Variants in MYBPC3 observed in about 807,000 individuals in gnomAD.
MYBPC3 encodes myosin binding protein C3.
A neutral mutation model predicts 159.3 loss-of-function variants in MYBPC3; 108 were observed. The ratio of observed to expected loss-of-function variants is 0.68; its 90% CI spans 0.58 to 0.80. MYBPC3 has a LOEUF of 0.80. Ranked by LOEUF, MYBPC3 falls within the 30% of genes least tolerant of loss-of-function variation. The probability of loss-of-function intolerance (pLI) is 0.00; values close to 1 mark genes in which losing one functional copy is unlikely to be tolerated. For synonymous variants in MYBPC3, 730 were observed against 702.0 expected, an observed-to-expected ratio of 1.04 and a Z score of -0.63; for missense variants, 1,631 against 1,762.1, an observed-to-expected ratio of 0.93 and a Z score of 1.33.
At position 47,347,494 on chromosome 11, in the gene MYBPC3, C is replaced by T. The variant is rs1461663741; in HGVS notation, c.852-15G>A. 1.3e-6 allele frequency: 2 copies of T among 1,594,068 alleles called. No individual in the cohort carries two copies. Among genetic ancestry groups the T allele is most frequent in the East Asian group, 2.3e-5 (1 of 44,128 alleles). On this transcript the variant is annotated splice_polypyrimidine_tract_variant and intron_variant, in intron 8 of 34. Coordinates refer to ENST00000545968, the MANE Select transcript of MYBPC3 (RefSeq NM_000256.3). ...CATGGCTATCACTATGGAGAGGGACCCCCAGTGAGGCTGCAGTGAGGGACT... is the reference window on the plus strand; with the variant it reads ...CATGGCTATCACTATGGAGAGGGACTCCCAGTGAGGCTGCAGTGAGGGACT...
Position 47,338,403 on chromosome 11 carries a change from C to T in MYBPC3, c.2308+117G>A, listed in dbSNP as rs3729949. Reference sequence around the variant, plus strand: ...TGGGCAGAAAAACCTGTCCTGTTGCCGCTCGGCTCAGGGAGCATGCCCGTG... The same window carrying T: ...TGGGCAGAAAAACCTGTCCTGTTGCTGCTCGGCTCAGGGAGCATGCCCGTG... On this transcript the variant is annotated intron_variant, in intron 23 of 34. Coordinates refer to ENST00000545968, the MANE Select transcript of MYBPC3 (RefSeq NM_000256.3). This position sits in a 1 kb window ranked among gnomAD's most constrained non-coding sequence, Gnocchi z 4.7. The T allele has an allele frequency of 0.012, 16,961 of 1,444,994 alleles. 131 individuals are homozygous for T. Among genetic ancestry groups the T allele is most frequent in the Non-Finnish European group, 0.014 (14,826 of 1,067,422 alleles). 89.5% of individuals were successfully genotyped at this position (1,444,994 alleles called of 1,614,324 possible).
Position 47,351,518 on chromosome 11 carries a change from G to A in MYBPC3, c.26-13C>T, listed in dbSNP as rs1161603409. On this transcript the variant is annotated splice_polypyrimidine_tract_variant and intron_variant, in intron 1 of 34. Transcript: ENST00000545968. This position sits in a 1 kb window ranked among gnomAD's most constrained non-coding sequence, Gnocchi z 4.2. ...CTAAAAGCTGAGACTGAAGGGCCAG[G>A]TGGAGGCTACAGCGGCCCCTGGTTG... The A allele has an allele frequency of 1.3e-6, 2 of 1,572,472 alleles. No individual in the cohort carries two copies. The highest frequency in any genetic ancestry group is 1.7e-6 in the Non-Finnish European group (2 of 1,154,098).
At position 47,332,306 on chromosome 11, in the gene MYBPC3, G is replaced by T; in HGVS notation, c.3628-48C>A. Reference sequence around the variant, plus strand: ...GAGGGAAGCCATCCAGGCTGAGAGGGGACCTGGCAGGGACCCAGGGAGACA... The same window carrying T: ...GAGGGAAGCCATCCAGGCTGAGAGGTGACCTGGCAGGGACCCAGGGAGACA... On this transcript the variant is annotated intron_variant, in intron 32 of 34. Transcript: ENST00000545968. This position sits in a 1 kb window ranked among gnomAD's most constrained non-coding sequence, Gnocchi z 4.2. 6.3e-7 allele frequency: 1 copy of T among 1,588,288 alleles called. No homozygotes were observed. The highest frequency in any genetic ancestry group is 8.6e-7 in the Non-Finnish European group (1 of 1,157,686).
At chr11:47,350,357 C>T in intron 3 of MYBPC3, 145 bp downstream of exon 3, 1 of 1,366,726 alleles carries the variant, frequency 7.3e-7, no homozygotes, top group Non-Finnish European at 9.9e-7. Context: ...AATCTCCTGA[C>T]CTCATGATCC....
chr11:47,337,472 C>T lies in MYBPC3; in HGVS notation c.2521G>A (p.Val841Met). The change falls in exon 25 of 35, where the codon GTG (valine) becomes ATG (methionine). Residue 841 changes from valine to methionine, a missense_variant. Val to Met is a conservative substitution (Grantham distance 21). Coordinates refer to ENST00000545968, the MANE Select transcript of MYBPC3 (RefSeq NM_000256.3). Reference sequence around the variant, plus strand: ...ACCGCGTAGACGCGCATCTCGTACACCACGCCCTCGATCATGCGCCGCGCT... The same window carrying T: ...ACCGCGTAGACGCGCATCTCGTACATCACGCCCTCGATCATGCGCCGCGCT... ...HEARRMIEGVVYEMRVYAVNA... is the reference protein window; with the variant it reads ...HEARRMIEGVMYEMRVYAVNA... The T allele has an allele frequency of 6.2e-7, 1 of 1,613,916 alleles. No homozygotes were observed. The highest frequency in any genetic ancestry group is 8.5e-7 in the Non-Finnish European group (1 of 1,179,888).
chr11:47,337,574 T>C lies in MYBPC3; in HGVS notation c.2419A>G (p.Ile807Val). ...CTCTTCTTCTTCTTGCGCTCCAGGA[T>C]GTAGCCTGGCTCAGGGGAGGTGGCA... is the stretch of plus-strand genomic sequence containing the variant. ...YDGGQPILGY[I>V]LERKKKKSYR... Residue 807 changes from isoleucine to valine, a missense_variant, in exon 25 of 35, where the codon ATC becomes GTC. Coordinates refer to ENST00000545968, the MANE Select transcript of MYBPC3 (RefSeq NM_000256.3). 1.2e-6 allele frequency: 2 copies of C among 1,613,962 alleles called. No individual in the cohort carries two copies. Among genetic ancestry groups the C allele is most frequent in the Non-Finnish European group, 1.7e-6 (2 of 1,179,884 alleles).
Position 47,335,054 on chromosome 11 carries a change from G to C in MYBPC3, c.2893C>G (p.Gln965Glu), listed in dbSNP as rs730880578. 10 of 1,566,268 alleles carry C rather than the reference G, an allele frequency of 6.4e-6. No homozygotes were observed. The highest frequency in any genetic ancestry group is 8.7e-6 in the Non-Finnish European group (10 of 1,151,878). Reference sequence around the variant, plus strand: ...AAGGGGCACTCACGCAGGATCTCCTGCACTGTCACCGGCTCCGTGGTGGTA... The same window carrying C: ...AAGGGGCACTCACGCAGGATCTCCTCCACTGTCACCGGCTCCGTGGTGGTA... ...PVTTTEPVTV[Q>E]EILQRPRLQL... Residue 965 changes from glutamine (Q) to glutamate (E), a missense_variant, in exon 27 of 35, where the codon CAG becomes GAG. Physicochemically the swap from Gln to Glu is conservative, Grantham distance 29. Transcript: ENST00000545968.
chr11:47,342,728 C>T lies in MYBPC3; in HGVS notation c.1474G>A (p.Glu492Lys). The T allele has an allele frequency of 6.2e-7, 1 of 1,613,980 alleles. No homozygotes were observed. Among genetic ancestry groups the T allele is most frequent in the South Asian group, 1.1e-5 (1 of 91,086 alleles). ...TTGAAGGTCTCCTCCCGGGTCAGCT[C>T]CACCCCGTCCTTCAGCCTAGCCGGG... The part of the protein sequence containing the change: ...AQVKWLKDGV[E>K]LTREETFKYR... Residue 492 changes from glutamate to lysine, a missense_variant, in exon 17 of 35, where the codon GAG becomes AAG. By Grantham distance (56) the Glu-to-Lys change is moderately conservative. Transcript: ENST00000545968.
At chr11:47,352,117 G>T (rs943406695) in intron 1 of MYBPC3, among the ~76,000 whole-genome samples, 7 of 152,136 alleles carry the variant, frequency 4.6e-5, no homozygotes, top group African/African-American at 1.7e-4. Context: ...TCAACATGGG[G>T]GCCACACCGT....
intron 18 of MYBPC3, 149 bp downstream of exon 18, chr11:47,341,842 G>T: frequency 9.4e-7 from 1 of 1,060,442 alleles, no homozygotes. Flanking sequence ...CTCCCTCTCT[G>T]TGGGTCTCTG....
rs913365139 is a variant in MYBPC3 at position 47,351,535 on chromosome 11, C to A, written c.26-30G>T. 7.7e-6 allele frequency: 12 copies of A among 1,552,192 alleles called. No homozygotes were observed. In the African/African-American group the frequency reaches 9.5e-5, roughly 12 times the overall value. Reference sequence around the variant, plus strand: ...AGGGCCAGGTGGAGGCTACAGCGGCCCCTGGTTGGAGCGTGCACCCCGCCC... The same window carrying A: ...AGGGCCAGGTGGAGGCTACAGCGGCACCTGGTTGGAGCGTGCACCCCGCCC... On this transcript the variant is annotated intron_variant, in intron 1 of 34. Transcript: ENST00000545968. This position sits in a 1 kb window ranked among gnomAD's most constrained non-coding sequence, Gnocchi z 4.2.
At position 47,341,192 on chromosome 11, in the gene MYBPC3, T is replaced by C. The variant is rs2095888152; in HGVS notation, c.1843A>G (p.Ser615Gly). ...CAGGCGAAGCCCTCGGGCACAAAGC[T>C]GTAGTCAGCCTCGTCGGCAGGTGTG... The part of the protein sequence containing the change: ...DVTPADEADY[S>G]FVPEGFACNL... Residue 615 changes from serine (S) to glycine (G), a missense_variant, in exon 19 of 35, where the codon AGC (serine) becomes GGC (glycine). Ser to Gly is a moderately conservative substitution (Grantham distance 56). Coordinates refer to ENST00000545968, the MANE Select transcript of MYBPC3 (RefSeq NM_000256.3). 6.3e-7 allele frequency: 1 copy of C among 1,592,970 alleles called. No individual in the cohort carries two copies. Among genetic ancestry groups the C allele is most frequent in the Non-Finnish European group, 8.5e-7 (1 of 1,170,272 alleles).
chr11:47,342,843 C>A lies in MYBPC3; in HGVS notation c.1444G>T (p.Ala482Ser), dbSNP rs2095890292. 6.2e-7 allele frequency: 1 copy of A among 1,612,392 alleles called. No homozygotes were observed. Among genetic ancestry groups the A allele is most frequent in the South Asian group, 1.1e-5 (1 of 90,824 alleles). The change falls in exon 16 of 35, where the codon GCG becomes TCG. Residue 482 changes from alanine (A) to serine (S), a missense_variant. Transcript: ENST00000545968. The stretch of plus-strand genomic sequence containing the variant: ...TCTGGAACTCACCATTTGACTTGCG[C>A]CCCCTCCTCCGATACTTCACACTCA... ...EFECEVSEEG[A>S]QVKWLKDGVE...
rs373208282 is a variant in MYBPC3 at position 47,333,579 on chromosome 11, G to A, written c.3168C>T (p.Ala1056=). The change falls in exon 29 of 35, where the codon GCC becomes GCT. Residue 1056 remains alanine (A), a synonymous_variant. Transcript: ENST00000545968. ...TVRIENMEDK[A]TLVLQVVDKP... is the part of the protein sequence containing the mutation. ...CACCAACAACCTGCAGCACCAGCGT[G>A]GCCTTGTCCTCCATGTTCTCAATGC... is the stretch of plus-strand genomic sequence containing the variant. 1.2e-6 allele frequency: 2 copies of A among 1,600,856 alleles called. No homozygotes were observed. The highest frequency in any genetic ancestry group is 2.7e-5 in the African/African-American group (2 of 74,946).
intron 25 of MYBPC3, among the ~76,000 whole-genome samples, chr11:47,336,982 C>T (rs966775127): frequency 1.3e-5 from 2 of 152,222 alleles, no homozygotes; most frequent in African/African-American, 4.8e-5. Context: ...GGTGAAAACC[C>T]TGGGTTGAAG....
rs757182984 is a variant in MYBPC3, at chr11:47,343,034, C to G, written c.1338G>C (p.Glu446Asp). The change falls in exon 15 of 35, where the codon GAG becomes GAC. Residue 446 changes from glutamate to aspartate, a missense_variant. Transcript: ENST00000545968. ...CVVGGEKCST[E>D]LFVKEPPVLI... The stretch of plus-strand genomic sequence containing the variant: ...TCCCAGGCCCACCTTTCACAAAGAG[C>G]TCCGTGCTACACTTCTCGCCACCCA... 6.2e-7 allele frequency: 1 copy of G among 1,613,306 alleles called. No individual in the cohort carries two copies. Among genetic ancestry groups the G allele is most frequent in the East Asian group, 2.2e-5 (1 of 44,870 alleles).
chr11:47,350,420 C>T (rs2095899480), intron 3 of MYBPC3, 82 bp downstream of exon 3: 1 of 1,522,644 alleles, frequency 6.6e-7, no homozygotes, highest in African/African-American at 1.4e-5. Context: ...GCCACCGCAC[C>T]TGGCCCAGCA....
At position 47,350,097 on chromosome 11, in the gene MYBPC3, G is replaced by T; in HGVS notation, c.422C>A (p.Ala141Asp). The change falls in exon 4 of 35, where the codon GCT (alanine) becomes GAT (aspartate). Residue 141 changes from alanine to aspartate, a missense_variant. Transcript: ENST00000545968. ...GGCTCCAGGGGTAGGACCATTGAGA[G>T]CTGCTGAGCTTGACCCTGTGAGCAA... ...APSPKGSSSA[A>D]LNGPTPGAPD... is the part of the protein sequence containing the mutation. 4 of 1,556,292 alleles carry T rather than the reference G, an allele frequency of 2.6e-6. No homozygotes were observed. Among genetic ancestry groups the T allele is most frequent in the Non-Finnish European group, 3.5e-6 (4 of 1,149,670 alleles).
In MYBPC3 at chr11:47,342,750, C is replaced by G; in HGVS notation, c.1458-6G>C. ...GCTCCACCCCGTCCTTCAGCCTAGC[C>G]GGGTGGGTGGGTGGCAAGTGCTGTG... On this transcript the variant is annotated splice_polypyrimidine_tract_variant and splice_region_variant and intron_variant, in intron 16 of 34. Coordinates refer to ENST00000545968, the MANE Select transcript of MYBPC3 (RefSeq NM_000256.3). 1 of 1,613,722 alleles carries G rather than the reference C, an allele frequency of 6.2e-7. No homozygotes were observed. The highest frequency in any genetic ancestry group is 1.3e-5 in the African/African-American group (1 of 75,050).
Sources: gnomAD v4.1 joint callset for allele counts (sites outside exome capture counted in the v4.1 genomes callset) on GRCh38, gnomAD v4.1.1 for gene constraint, Gnocchi (gnomAD v3.1) non-coding constraint, MANE v1.5 for transcripts, NCBI Gene and HGNC (gene_info 2026-07-23, HGNC 2026-07-21) for gene names.